ZFHX4: variants seen among roughly 807,000 people sequenced by gnomAD.
The protein encoded by ZFHX4 is zinc finger homeobox 4, also known as zinc finger homeobox protein 4.
In ZFHX4, 56 loss-of-function variants were observed where a neutral mutation model predicts 267.6. The observed-to-expected ratio is 0.21, with a 90% CI of 0.17 to 0.26. The LOEUF is 0.26. Ranked by LOEUF, ZFHX4 falls within the 10% of genes least tolerant of loss-of-function variation. The pLI, the probability that ZFHX4 is intolerant of heterozygous loss-of-function variation, is 1.00. For missense variants in ZFHX4, 4,332 were observed against 4,420.0 expected, an observed-to-expected ratio of 0.98 and a Z score of 0.56; for synonymous variants, 1,778 against 1,665.6, an observed-to-expected ratio of 1.07 and a Z score of -1.64.
At chr8:76,818,406 T>A (rs1294701647) in intron 4 of ZFHX4, among the ~76,000 whole-genome samples, 2 of 152,138 alleles carry the variant, frequency 1.3e-5, no homozygotes, top group Non-Finnish European at 2.9e-5. Flanking sequence ...ACTAGATAGT[T>A]AAGATTATGG....
intron 5 of ZFHX4, among the ~76,000 whole-genome samples, chr8:76,834,905 T>G (rs952821808): frequency 6.6e-6 from 1 of 151,820 alleles, no homozygotes; most frequent in African/African-American, 2.4e-5. Flanking sequence ...GTAACCCATT[T>G]TGAGTGAATG....
chr8:76,774,864 A>G (rs773055846), intron 3 of ZFHX4, among the ~76,000 whole-genome samples: 6 of 152,132 alleles, frequency 3.9e-5, no homozygotes, highest in Non-Finnish European at 8.8e-5. Context: ...ATGAAACATT[A>G]ACAAATTACC....
intron 3 of ZFHX4, among the ~76,000 whole-genome samples, chr8:76,720,025 C>T (rs1166720577): frequency 6.6e-6 from 1 of 152,096 alleles, no homozygotes; most frequent in African/African-American, 2.4e-5. Flanking sequence ...AATTCATATG[C>T]CATTCAACTA....
In ZFHX4 at chr8:76,865,123, G is replaced by A. The variant is rs981580443; in HGVS notation, c.*558G>A. ...ACAAAGAGACTTTATAACCCTTACT[G>A]GACAACACACAGATCCTTGAGCTCA... On this transcript the variant is annotated 3_prime_UTR_variant, in exon 11 of 11. Transcript: ENST00000651372. 1 of 152,814 alleles carries A rather than the reference G, an allele frequency of 6.5e-6. No individual in the cohort carries two copies. The highest frequency in any genetic ancestry group is 2.4e-5 in the African/African-American group (1 of 41,422). 9.5% of individuals were successfully genotyped at this position (152,814 alleles called of 1,614,324 possible).
intron 3 of ZFHX4, among the ~76,000 whole-genome samples, chr8:76,719,780 A>T (rs1010973595): frequency 2.6e-5 from 4 of 152,152 alleles, no homozygotes; most frequent in African/African-American, 9.7e-5. Flanking sequence ...CGACTGTCAG[A>T]TATTCATAGT....
In ZFHX4 at chr8:76,863,248, A is replaced by C; in HGVS notation, c.9534A>C (p.Ser3178=). The change falls in exon 11 of 11, where the codon TCA becomes TCC. Residue 3178 remains serine, a synonymous_variant. Coordinates refer to ENST00000651372, the MANE Select transcript of ZFHX4 (RefSeq NM_024721.5). ...CTCCTCCTCCTTCATCCTCTCTGTC[A>C]GGACAGCAGACCGAGCAACAGAACA... ...PPPPPPSSSL[S]GQQTEQQNKE... is the part of the protein sequence containing the mutation. 6.2e-7 allele frequency: 1 copy of C among 1,600,986 alleles called. No homozygotes were observed. Among genetic ancestry groups the C allele is most frequent in the East Asian group, 2.3e-5 (1 of 44,290 alleles).
At chr8:76,861,021 C>T (rs1812852443) in intron 10 of ZFHX4, among the ~76,000 whole-genome samples, 1 of 152,098 alleles carries the variant, frequency 6.6e-6, no homozygotes, top group Admixed American at 6.6e-5. Context: ...ACAGTTTTCC[C>T]TAGGGCTAGG....
In ZFHX4 at chr8:76,852,912, A is replaced by G. The variant is rs778074162; in HGVS notation, c.5991A>G (p.Pro1997=). The G allele has an allele frequency of 3.1e-5, 50 of 1,609,746 alleles. No homozygotes were observed. Among genetic ancestry groups the G allele is most frequent in the Non-Finnish European group, 4.1e-5 (48 of 1,177,886 alleles). ...EAYDKLYPIS[P]SSPETPPPPP... ...ATGACAAGCTTTATCCAATTTCTCC[A>G]TCTTCTCCAGAAACGCCGCCCCCGC... The change falls in exon 10 of 11, where the codon CCA becomes CCG. Residue 1997 remains proline, a synonymous_variant. Coordinates refer to ENST00000651372, the MANE Select transcript of ZFHX4 (RefSeq NM_024721.5).
intron 4 of ZFHX4, among the ~76,000 whole-genome samples, chr8:76,832,962 T>C (rs1811974715): frequency 1.3e-5 from 2 of 152,152 alleles, no homozygotes; most frequent in Admixed American, 1.3e-4. Context: ...TGGTAACTTA[T>C]CAGAGAAGTA....
intron 6 of ZFHX4, among the ~76,000 whole-genome samples, chr8:76,844,979 T>G (rs1812329527): frequency 6.6e-6 from 1 of 152,144 alleles, no homozygotes; most frequent in African/African-American, 2.4e-5. Context: ...ATTGTTTTTC[T>G]CTATATGTGT....
At chr8:76,699,593 A>G (rs1191584637) in intron 1 of ZFHX4, among the ~76,000 whole-genome samples, 2 of 151,916 alleles carry the variant, frequency 1.3e-5, no homozygotes, top group East Asian at 3.9e-4. Flanking sequence ...CAATTCCCCT[A>G]CCCTCTTCTC....
intron 3 of ZFHX4, among the ~76,000 whole-genome samples, chr8:76,758,682 A>T (rs1182805865): frequency 6.6e-6 from 1 of 152,036 alleles, no homozygotes; most frequent in African/African-American, 2.4e-5. Context: ...TTTTGTAGAG[A>T]TGGGGTTTTG....
chr8:76,735,447 C>A (rs1310661424), intron 3 of ZFHX4, among the ~76,000 whole-genome samples: 7 of 152,050 alleles, frequency 4.6e-5, no homozygotes, highest in Non-Finnish European at 7.4e-5. Context: ...ACAAAATTAG[C>A]AATATTTTTT....
intron 3 of ZFHX4, among the ~76,000 whole-genome samples, chr8:76,738,108 G>C (rs1809212968): frequency 6.6e-6 from 1 of 152,154 alleles, no homozygotes; most frequent in Admixed American, 6.5e-5. Flanking sequence ...GTAGGAGGAA[G>C]GCTTTGTGAA....
At chr8:76,686,614 C>G (rs1331524284) in intron 1 of ZFHX4, among the ~76,000 whole-genome samples, 1 of 152,008 alleles carries the variant, frequency 6.6e-6, no homozygotes, top group Non-Finnish European at 1.5e-5. Flanking sequence ...CTGCTGACTC[C>G]TTTTCCCTTT....
chr8:76,712,231 G>A (rs1250915330), intron 3 of ZFHX4, among the ~76,000 whole-genome samples: 1 of 151,998 alleles, frequency 6.6e-6, no homozygotes, highest in African/African-American at 2.4e-5. Flanking sequence ...GCATTTTTTG[G>A]GTTTTTCTCA....
chr8:76,756,712 T>C (rs1809773209), intron 3 of ZFHX4, among the ~76,000 whole-genome samples: 1 of 152,144 alleles, frequency 6.6e-6, no homozygotes, highest in South Asian at 2.1e-4. Context: ...GTCTGTCTTT[T>C]CCCTTTTCCC....
intron 4 of ZFHX4, among the ~76,000 whole-genome samples, chr8:76,783,103 C>T (rs1242988381): frequency 6.6e-6 from 1 of 151,968 alleles, no homozygotes; most frequent in African/African-American, 2.4e-5. Flanking sequence ...GCAATTTTGT[C>T]ATGGCCTCAC....
In ZFHX4 at chr8:76,705,541, G is replaced by A. The variant is rs923379132; in HGVS notation, c.1453G>A (p.Glu485Lys). 1 of 1,613,552 alleles carries A rather than the reference G, an allele frequency of 6.2e-7. No individual in the cohort carries two copies. Among genetic ancestry groups the A allele is most frequent in the Non-Finnish European group, 8.5e-7 (1 of 1,179,708 alleles). The change falls in exon 2 of 11, where the codon GAG (glutamate) becomes AAG (lysine). Residue 485 changes from glutamate to lysine, a missense_variant. Coordinates refer to ENST00000651372, the MANE Select transcript of ZFHX4 (RefSeq NM_024721.5). The part of the protein sequence containing the change: ...EDAYSNELDD[E>K]EVLGELTDSI... Reference sequence around the variant, plus strand: ...TGCGTACTCCAATGAACTTGATGACGAGGAAGTATTAGGTGAACTCACCGA... The same window carrying A: ...TGCGTACTCCAATGAACTTGATGACAAGGAAGTATTAGGTGAACTCACCGA...
Sources: allele counts gnomAD v4.1 joint callset (sites outside exome capture counted in the v4.1 genomes callset), GRCh38; gene constraint gnomAD v4.1.1; transcripts MANE v1.5; gene names NCBI Gene and HGNC (gene_info 2026-07-23, HGNC 2026-07-21).